XRCC4: variants seen among roughly 807,000 people sequenced by gnomAD.
The protein encoded by XRCC4 is DNA repair protein XRCC4.
XRCC4 carries 28 observed loss-of-function variants against 39.1 expected under a neutral mutation model. The observed-to-expected ratio is 0.72, with a 90% confidence interval of 0.53 to 0.98. The LOEUF (loss-of-function observed/expected upper bound fraction) is 0.98, where lower values mean the gene tolerates loss of function less well. XRCC4 is among the 50% of genes least tolerant of loss of function. XRCC4 has a pLI of 0.00. For synonymous variants in XRCC4, 123 were observed against 126.4 expected (o/e 0.97, Z 0.18); for missense variants, 350 against 376.4 (o/e 0.93, Z 0.58).
rs369960589 is a variant in XRCC4 at position 83,229,909 on chromosome 5, CAA to C, written c.745+24989_745+24990del. Among the ~76,000 whole-genome samples the C allele has an allele frequency of 3.4e-3, 519 of 151,816 alleles. 30 individuals are homozygous for C. In the South Asian group the frequency reaches 0.1, roughly 31 times the overall value. The stretch of plus-strand genomic sequence containing the variant: ...ATTGAAAATTAAATAAAGTGTGAAA[CAA>C]TATTTGATATATTTTACTTTTTAAT... On this transcript the variant is annotated intron_variant, in intron 6 of 7. Coordinates refer to ENST00000396027, the MANE Select transcript of XRCC4 (RefSeq NM_003401.5).
chr5:83,106,315 A>G (rs573509178), intron 2 of XRCC4, among the ~76,000 whole-genome samples: 44 of 152,246 alleles, frequency 2.9e-4, no homozygotes, highest in African/African-American at 9.9e-4. Context: ...GAGCAGTTCT[A>G]ACAACACAGC....
chr5:83,195,826 A>G lies in XRCC4; in HGVS notation c.372A>G (p.Arg124=), dbSNP rs948372963. 4.3e-6 allele frequency: 7 copies of G among 1,611,652 alleles called. No homozygotes were observed. Among genetic ancestry groups the G allele is most frequent in the African/African-American group, 1.3e-5 (1 of 74,880 alleles). ...TTGAAAACCCAGCTGAAGTCATTAG[A>G]GAACTTATTTGTTATTGCTTGGACA... ...EKVENPAEVI[R]ELICYCLDTI... is the part of the protein sequence containing the mutation. The change falls in exon 4 of 8, where the codon AGA becomes AGG. Residue 124 remains arginine, a synonymous_variant. Transcript: ENST00000396027.
In XRCC4 at chr5:83,337,070, A is replaced by G. The variant is rs188209983; in HGVS notation, c.894-16061A>G. On this transcript the variant is annotated intron_variant, in intron 7 of 7. Coordinates refer to ENST00000396027, the MANE Select transcript of XRCC4 (RefSeq NM_003401.5). ...TTATAATGTTGTCCTTTGATTTAGA[A>G]TGGATTTTATTCTGTGTAAATTGTA... Among the ~76,000 whole-genome samples the G allele has an allele frequency of 4.5e-4, 69 of 152,272 alleles. 2 individuals carry two copies. The highest frequency in any genetic ancestry group is 4.3e-3 in the Admixed American group (65 of 15,286).
At chr5:83,282,693 T>A in intron 7 of XRCC4, among the ~76,000 whole-genome samples, 1 of 151,782 alleles carries the variant, frequency 6.6e-6, no homozygotes, top group East Asian at 1.9e-4. Context: ...ATACAAAAAA[T>A]TAGCCAGGCA....
At chr5:83,253,207 C>T (rs1246302631) in intron 6 of XRCC4, among the ~76,000 whole-genome samples, 5 of 152,080 alleles carry the variant, frequency 3.3e-5, no homozygotes, top group Non-Finnish European at 5.9e-5. Flanking sequence ...CTTGGTATAG[C>T]TTACATATAT....
chr5:83,266,246 A>G (rs1244491751), intron 7 of XRCC4, among the ~76,000 whole-genome samples: 2 of 151,236 alleles, frequency 1.3e-5, no homozygotes, highest in Non-Finnish European at 2.9e-5. Context: ...AATAGGAGGT[A>G]TATATTTTTT....
intron 7 of XRCC4, among the ~76,000 whole-genome samples, chr5:83,311,626 TA>T (rs142307810): frequency 0.02 from 3,011 of 152,094 alleles, 88 homozygotes; most frequent in African/African-American, 0.067. Context: ...CTTTCAACCA[TA>T]AAAAAATTAC....
chr5:83,245,650 A>T (rs555678933), intron 6 of XRCC4, among the ~76,000 whole-genome samples: 1 of 152,234 alleles, frequency 6.6e-6, no homozygotes, highest in South Asian at 2.1e-4. Flanking sequence ...AAAAATGTTC[A>T]TTTGATATCC....
At chr5:83,257,040 A>G (rs1187335105) in intron 6 of XRCC4, among the ~76,000 whole-genome samples, 1 of 152,178 alleles carries the variant, frequency 6.6e-6, no homozygotes, top group Non-Finnish European at 1.5e-5. Flanking sequence ...AAAAATCAAG[A>G]GAGGAATTTC....
At chr5:83,131,863 G>A (rs1747606141) in intron 3 of XRCC4, among the ~76,000 whole-genome samples, 1 of 152,096 alleles carries the variant, frequency 6.6e-6, no homozygotes, top group African/African-American at 2.4e-5. Flanking sequence ...TTTAATTGGA[G>A]CATTTAGCCC....
chr5:83,223,237 T>C (rs10037989), intron 6 of XRCC4, among the ~76,000 whole-genome samples: 10 of 152,280 alleles, frequency 6.6e-5, no homozygotes, highest in African/African-American at 2.4e-4. Flanking sequence ...GTTTGGTTTT[T>C]GGCCTATTTT....
At chr5:83,286,355 C>T (rs1754732479) in intron 7 of XRCC4, among the ~76,000 whole-genome samples, 1 of 152,076 alleles carries the variant, frequency 6.6e-6, no homozygotes, top group Non-Finnish European at 1.5e-5. Flanking sequence ...ATACAATTTT[C>T]CAAAATGTAC....
rs573637482 is a variant in XRCC4 at position 83,083,242 on chromosome 5, A to T, written c.-11+5627A>T. On this transcript the variant is annotated intron_variant, in intron 1 of 7. Coordinates refer to ENST00000396027, the MANE Select transcript of XRCC4 (RefSeq NM_003401.5). Reference sequence around the variant, plus strand: ...TTGTGTTCCCCTATTAAAATGTAAAATCCATGAAGGCAGGCATTTTTATCT... The same window carrying T: ...TTGTGTTCCCCTATTAAAATGTAAATTCCATGAAGGCAGGCATTTTTATCT... Among the ~76,000 whole-genome samples, 9 of 152,230 alleles carry T rather than the reference A, an allele frequency of 5.9e-5. No homozygotes were observed. The South Asian group carries it at 1.9e-3, about 32-fold the overall frequency.
chr5:83,330,517 A>G (rs1756403632), intron 7 of XRCC4, among the ~76,000 whole-genome samples: 2 of 152,012 alleles, frequency 1.3e-5, no homozygotes, highest in African/African-American at 4.8e-5. Context: ...AGTTAGGTAT[A>G]TGTATACATG....
intron 7 of XRCC4, among the ~76,000 whole-genome samples, chr5:83,297,565 C>T (rs1561460983): frequency 6.6e-6 from 1 of 151,804 alleles, no homozygotes; most frequent in Non-Finnish European, 1.5e-5. Context: ...ACAGAAATAA[C>T]AAGTATTTTT....
At chr5:83,360,175 A>C in the XRCC4 span, among the ~76,000 whole-genome samples, 1 of 152,168 alleles carries the variant, frequency 6.6e-6, no homozygotes, top group Non-Finnish European at 1.5e-5. Flanking sequence ...TAGCATTTTT[A>C]TGTTACGACA....
chr5:83,148,580 C>T (rs1456490607), intron 3 of XRCC4, among the ~76,000 whole-genome samples: 2 of 152,078 alleles, frequency 1.3e-5, no homozygotes, highest in Admixed American at 1.3e-4. Flanking sequence ...CCAGATATGA[C>T]ATCATTCACT....
chr5:83,252,736 C>T (rs1431905774), intron 6 of XRCC4, among the ~76,000 whole-genome samples: 1 of 152,070 alleles, frequency 6.6e-6, no homozygotes, highest in Non-Finnish European at 1.5e-5. Flanking sequence ...AAGGTAAATG[C>T]AGAACTGGAG....
chr5:83,320,364 TAAAAAATA>T (rs1190067271), intron 7 of XRCC4, among the ~76,000 whole-genome samples: 17 of 124,538 alleles, frequency 1.4e-4, no homozygotes, highest in Non-Finnish European at 2.3e-4. Context: ...TAATAAAAAA[TAAAAAATA>T]AAAAAATAAT....
Sources: allele counts gnomAD v4.1 joint callset (sites outside exome capture counted in the v4.1 genomes callset), GRCh38; gene constraint gnomAD v4.1.1; transcripts MANE v1.5; gene names NCBI Gene and HGNC (gene_info 2026-07-23, HGNC 2026-07-21).